Variants in SMARCA2 observed in about 807,000 individuals in gnomAD.
SMARCA2 encodes SWI/SNF-related matrix-associated actin-dependent regulator of chromatin subfamily A member 2.
In SMARCA2, 61 loss-of-function variants were observed where a neutral mutation model predicts 199.8. That is an observed-to-expected ratio of 0.31 (90% CI 0.25 to 0.38). The LOEUF is 0.38. SMARCA2 is among the 10% of genes least tolerant of loss of function. The probability of loss-of-function intolerance (pLI) is 1.00; values close to 1 mark genes in which losing one functional copy is unlikely to be tolerated. For synonymous variants in SMARCA2, 935 were observed against 732.0 expected (o/e 1.28, Z -4.48); for missense variants, 1,344 against 2,012.2 (o/e 0.67, Z 6.35).
chr9:2,182,271 C>G (rs762057308), intron 31 of SMARCA2, 29 bp downstream of exon 31: 1 of 1,368,764 alleles, frequency 7.3e-7, no homozygotes, highest in Non-Finnish European at 1.0e-6. Context: ...TCTAAAAGTT[C>G]TTAACTGTAA....
chr9:2,184,560 G>T (rs1465095113), intron 31 of SMARCA2, among the ~76,000 whole-genome samples: 1 of 151,478 alleles, frequency 6.6e-6, no homozygotes, highest in East Asian at 1.9e-4. Context: ...TCACCATGTT[G>T]GCCGGGCTGG....
At chr9:2,083,158 A>C (rs558095054) in intron 15 of SMARCA2, among the ~76,000 whole-genome samples, 189 bp from the exon 16 acceptor site, 1 of 152,038 alleles carries the variant, frequency 6.6e-6, no homozygotes, top group Non-Finnish European at 1.5e-5. Flanking sequence ...CAAACTTGTC[A>C]TGTTTTGTGA....
At chr9:2,185,113 G>A (rs1035565172) in intron 31 of SMARCA2, among the ~76,000 whole-genome samples, 1 of 151,738 alleles carries the variant, frequency 6.6e-6, no homozygotes, top group African/African-American at 2.4e-5. Flanking sequence ...CACTTTGATG[G>A]GCAACAGATC....
At chr9:2,040,712 CAG>C (rs1819567880) in intron 4 of SMARCA2, 2 of 152,238 alleles carry the variant, frequency 1.3e-5, no homozygotes, top group African/African-American at 4.8e-5. Flanking sequence ...AATAGACTAA[CAG>C]ATTCAACATG....
At chr9:2,032,283 G>A (rs925729299) in intron 2 of SMARCA2, among the ~76,000 whole-genome samples, 1 of 152,196 alleles carries the variant, frequency 6.6e-6, no homozygotes, top group Non-Finnish European at 1.5e-5. Flanking sequence ...TTCAATAGCT[G>A]TTTATTGCAT....
chr9:2,025,684 A>G (rs944014280), intron 1 of SMARCA2, among the ~76,000 whole-genome samples: 3 of 152,162 alleles, frequency 2.0e-5, no homozygotes, highest in African/African-American at 7.2e-5. Context: ...AACCTTAACC[A>G]TACTAACTTA....
chr9:2,051,638 G>A (rs181536919), intron 5 of SMARCA2, among the ~76,000 whole-genome samples: 1 of 152,230 alleles, frequency 6.6e-6, no homozygotes, highest in Non-Finnish European at 1.5e-5. Flanking sequence ...TTGTCAAAGA[G>A]AGTAAATCAG....
At chr9:2,091,325 T>A (rs1822051663) in intron 19 of SMARCA2, among the ~76,000 whole-genome samples, 1 of 152,216 alleles carries the variant, frequency 6.6e-6, no homozygotes, top group African/African-American at 2.4e-5. Context: ...TCCCTGTCTA[T>A]AGCTTTATCT....
At chr9:2,185,685 G>T (rs1333173509) in intron 31 of SMARCA2, among the ~76,000 whole-genome samples, 1 of 152,190 alleles carries the variant, frequency 6.6e-6, no homozygotes, top group Non-Finnish European at 1.5e-5. Flanking sequence ...GGCTGCTACT[G>T]ATAAACTCAG....
At chr9:2,036,417 A>T (rs1363670283) in intron 3 of SMARCA2, among the ~76,000 whole-genome samples, 2 of 152,132 alleles carry the variant, frequency 1.3e-5, no homozygotes, top group Non-Finnish European at 2.9e-5. Context: ...CTGCATCAAC[A>T]CTGTCATCCT....
chr9:2,087,084 G>A lies in SMARCA2; in HGVS notation c.2769+13G>A, dbSNP rs769215767. The A allele has an allele frequency of 4.5e-5, 72 of 1,613,748 alleles. No homozygotes were observed. Among genetic ancestry groups the A allele is most frequent in the Non-Finnish European group, 5.8e-5 (69 of 1,179,832 alleles). Reference sequence around the variant, plus strand: ...GACTGGTGAAAGGGTACTGGTCTGAGTTCTGTTTTTTCCACTGCATGATAA... The same window carrying A: ...GACTGGTGAAAGGGTACTGGTCTGAATTCTGTTTTTTCCACTGCATGATAA... On this transcript the variant is annotated intron_variant, in intron 18 of 33. Transcript: ENST00000349721.
At chr9:2,145,275 C>T (rs1211073084) in intron 27 of SMARCA2, among the ~76,000 whole-genome samples, 1 of 148,316 alleles carries the variant, frequency 6.7e-6, no homozygotes, top group African/African-American at 2.5e-5. Flanking sequence ...TGCACTTCAG[C>T]CTGGGTGACA....
At chr9:2,113,471 C>G (rs937506659) in intron 24 of SMARCA2, among the ~76,000 whole-genome samples, 1 of 152,198 alleles carries the variant, frequency 6.6e-6, no homozygotes, top group Non-Finnish European at 1.5e-5. Context: ...AAGTTTCAGA[C>G]CACCGAAGTG....
intron 32 of SMARCA2, 51 bp downstream of exon 32, chr9:2,186,279 T>C (rs1476775820): frequency 1.9e-6 from 3 of 1,559,950 alleles, no homozygotes; most frequent in Admixed American, 1.9e-5. Context: ...CTCACCTGCA[T>C]AGCTGTCTCC....
chr9:2,073,110 G>T, intron 10 of SMARCA2, 102 bp from the exon 11 acceptor site: 1 of 1,371,434 alleles, frequency 7.3e-7, no homozygotes, highest in Non-Finnish European at 1.0e-6. Context: ...CACAGAATAA[G>T]GTTTCACATG....
intron 1 of SMARCA2, chr9:2,022,201 A>G (rs1171384635): frequency 6.6e-6 from 1 of 152,236 alleles, no homozygotes; most frequent in Non-Finnish European, 1.5e-5. Context: ...ACAAAGCAAT[A>G]TTTTAGATTA....
intron 27 of SMARCA2, among the ~76,000 whole-genome samples, chr9:2,155,210 T>C (rs973989668): frequency 6.6e-6 from 1 of 152,372 alleles, no homozygotes; most frequent in East Asian, 1.9e-4. Context: ...TTGTGTTTAA[T>C]ACTGCTTAAA....
intron 29 of SMARCA2, among the ~76,000 whole-genome samples, chr9:2,177,960 C>G (rs1174993137): frequency 6.6e-6 from 1 of 151,974 alleles, no homozygotes; most frequent in Admixed American, 6.5e-5. Context: ...TATGCAGTCA[C>G]CAGTTTAGAG....
chr9:2,180,822 T>G (rs944327874), intron 29 of SMARCA2, among the ~76,000 whole-genome samples: 2 of 152,162 alleles, frequency 1.3e-5, no homozygotes, highest in Admixed American at 6.5e-5. Flanking sequence ...AGAACCTGCT[T>G]TCAAATAAAC....
Sources: gnomAD v4.1 joint callset for allele counts (sites outside exome capture counted in the v4.1 genomes callset) on GRCh38, gnomAD v4.1.1 for gene constraint, MANE v1.5 for transcripts, NCBI Gene and HGNC (gene_info 2026-07-23, HGNC 2026-07-21) for gene names.